The following OSBP2 variants were observed in gnomAD, a reference collection of about 807,000 sequenced individuals.
The protein encoded by OSBP2 is oxysterol binding protein 2.
In OSBP2, 66 loss-of-function variants were observed where a neutral mutation model predicts 96.0. That is an observed-to-expected ratio of 0.69 (90% CI 0.56 to 0.84). The LOEUF (loss-of-function observed/expected upper bound fraction) is 0.84. Ranked by LOEUF, OSBP2 falls within the 40% of genes least tolerant of loss-of-function variation. The probability of loss-of-function intolerance (pLI) is 0.00; values close to 1 mark genes in which losing one functional copy is unlikely to be tolerated. For synonymous variants in OSBP2, 525 were observed against 520.9 expected (o/e 1.01, Z -0.11); for missense variants, 1,038 against 1,222.7 (o/e 0.85, Z 2.25).
intron 3 of OSBP2, among the ~76,000 whole-genome samples, chr22:30,878,089 G>T (rs560787743): frequency 6.6e-6 from 1 of 152,212 alleles, no homozygotes; most frequent in Admixed American, 6.5e-5. Context: ...CCTGGAGTGC[G>T]CACTGGGAGC....
chr22:30,870,086 C>T lies in OSBP2; in HGVS notation c.854-343C>T, dbSNP rs923756485. Among the ~76,000 whole-genome samples, 1 of 152,220 alleles carries T rather than the reference C, an allele frequency of 6.6e-6. No homozygotes were observed. Among genetic ancestry groups the T allele is most frequent in the Non-Finnish European group, 1.5e-5 (1 of 68,022 alleles). On this transcript the variant is annotated intron_variant, in intron 2 of 13. Coordinates refer to ENST00000332585, the MANE Select transcript of OSBP2 (RefSeq NM_030758.4). The surrounding 1 kb of genome is among the most constrained non-coding windows in gnomAD (Gnocchi z 4.1). ...ACCTCTCCACCCAGCAGAGCCCATC[C>T]TTCCCTGCACACCACAATGTAGGGA... is the stretch of plus-strand genomic sequence containing the variant.
At chr22:30,896,360 A>T (rs16984922) in intron 12 of OSBP2, among the ~76,000 whole-genome samples, 3,030 of 152,240 alleles carry the variant, frequency 0.02, 108 homozygotes, top group African/African-American at 0.07. Context: ...TCAAAGAAAA[A>T]GAGAAAACAT....
chr22:30,840,054 CTTTTTTTTT>C (rs1313548284), intron 2 of OSBP2, among the ~76,000 whole-genome samples: 1 of 109,302 alleles, frequency 9.1e-6, no homozygotes, highest in Admixed American at 8.8e-5. Flanking sequence ...TTTCAGCTTT[CTTTTTTTTT>C]TTTTTTCAAC....
At chr22:30,820,400 T>C (rs530538019) in intron 2 of OSBP2, among the ~76,000 whole-genome samples, 1 of 144,602 alleles carries the variant, frequency 6.9e-6, no homozygotes, top group Admixed American at 6.9e-5. Context: ...AAAAAAAAAA[T>C]AAAATTTTAA....
chr22:30,825,959 CA>C (rs2038394874), intron 2 of OSBP2, among the ~76,000 whole-genome samples: 2 of 152,134 alleles, frequency 1.3e-5, no homozygotes, highest in East Asian at 3.8e-4. Context: ...CATGGGCCAT[CA>C]GGGGCGGACA....
rs1267882991 is a variant in OSBP2 at position 30,888,243 on chromosome 22, G to A, written c.1321G>A (p.Gly441Arg). Residue 441 changes from glycine to arginine, a missense_variant, in exon 5 of 14, where the codon GGA becomes AGA. By Grantham distance (125) the Gly-to-Arg change is moderately radical. This residue lies in a region of OSBP2 where 737 missense variants were observed against 913.3 expected (regional missense o/e 0.81). Transcript: ENST00000332585. Reference protein sequence around the residue: ...FIEGSLLTPKGEDSEEDEDTE... With the variant: ...FIEGSLLTPKREDSEEDEDTE... The stretch of plus-strand genomic sequence containing the variant: ...TCTAGGAAGCCTCTTGACTCCCAAA[G>A]GAGAGGACAGTGAGGAAGATGAAGA... 1 of 1,611,878 alleles carries A rather than the reference G, an allele frequency of 6.2e-7. No homozygotes were observed. Among genetic ancestry groups the A allele is most frequent in the Non-Finnish European group, 8.5e-7 (1 of 1,178,120 alleles).
intron 2 of OSBP2, among the ~76,000 whole-genome samples, chr22:30,859,353 T>C (rs1182413712): frequency 1.3e-5 from 2 of 152,238 alleles, no homozygotes; most frequent in Non-Finnish European, 2.9e-5. Context: ...GAGACAGGTG[T>C]TTGCATTGTG....
At chr22:30,713,653 G>T (rs541832366) in intron 1 of OSBP2, among the ~76,000 whole-genome samples, 1 of 151,944 alleles carries the variant, frequency 6.6e-6, no homozygotes, top group Non-Finnish European at 1.5e-5. Flanking sequence ...TTTAGATACA[G>T]GGTCTTGCTA....
rs1450082767 is a variant in OSBP2, at chr22:30,839,311, G to A, written c.854-31118G>A. 3.7e-3 allele frequency among the ~76,000 whole-genome samples: 519 copies of A among 138,886 alleles called. 5 individuals are homozygous for A. The highest frequency in any genetic ancestry group is 0.015 in the African/African-American group (498 of 34,122). 91.1% of individuals were successfully genotyped at this position (138,886 alleles called of 152,430 possible). On this transcript the variant is annotated intron_variant, in intron 2 of 13. Coordinates refer to ENST00000332585, the MANE Select transcript of OSBP2 (RefSeq NM_030758.4). ...GTGAATAGTACCACAATAAACATAT[G>A]TGTGCATGTGTCTTTATAGCAGCAT...
intron 2 of OSBP2, among the ~76,000 whole-genome samples, chr22:30,866,909 G>A (rs1164499061): frequency 6.6e-6 from 1 of 152,200 alleles, no homozygotes; most frequent in East Asian, 1.9e-4. Flanking sequence ...CTCATGTGGA[G>A]GCCAAGCCCC....
chr22:30,757,725 T>A (rs1349101241), intron 2 of OSBP2, among the ~76,000 whole-genome samples: 1 of 152,156 alleles, frequency 6.6e-6, no homozygotes, highest in East Asian at 1.9e-4. Flanking sequence ...GCCTTATTGC[T>A]GTTTTGTCAC....
chr22:30,832,339 G>A, intron 2 of OSBP2, among the ~76,000 whole-genome samples: 1 of 150,626 alleles, frequency 6.6e-6, no homozygotes, highest in East Asian at 1.9e-4. Flanking sequence ...TTTGTTGCCT[G>A]GAGTGCAGTG....
In OSBP2 at chr22:30,809,174, A is replaced by ATCC. The variant is rs1040788520; in HGVS notation, c.854-61254_854-61252dup. On this transcript the variant is annotated intron_variant, in intron 2 of 13. Transcript: ENST00000332585. ...CCTTGCTGACACCTTGATTTTAGACATCCGGCCTCCAGAACGGCAAGCAGA... is the reference window on the plus strand; with the variant it reads ...CCTTGCTGACACCTTGATTTTAGACATCCTCCGGCCTCCAGAACGGCAAGCAGA... Among the ~76,000 whole-genome samples the ATCC allele has an allele frequency of 8.2e-4, 125 of 152,272 alleles. 1 individual carries two copies. The highest frequency in any genetic ancestry group is 2.9e-3 in the African/African-American group (121 of 41,540).
chr22:30,751,716 C>T (rs964304023), intron 2 of OSBP2, among the ~76,000 whole-genome samples: 2 of 152,140 alleles, frequency 1.3e-5, no homozygotes, highest in African/African-American at 2.4e-5. Flanking sequence ...ATAAATCATC[C>T]GCCCACAGCC....
In OSBP2 at chr22:30,889,521, G is replaced by A. The variant is rs770037079; in HGVS notation, c.1508G>A (p.Gly503Asp). 2 of 1,614,108 alleles carry A rather than the reference G, an allele frequency of 1.2e-6. No individual in the cohort carries two copies. The highest frequency in any genetic ancestry group is 4.5e-5 in the East Asian group (2 of 44,872). Residue 503 changes from glycine to aspartate, a missense_variant, in exon 7 of 14, where the codon GGT (glycine) becomes GAT (aspartate). By Grantham distance (94) the Gly-to-Asp change is moderately conservative. Coordinates refer to ENST00000332585, the MANE Select transcript of OSBP2 (RefSeq NM_030758.4). ...GATGGTGCCTCGCTCGTGCCCAAGG[G>A]TTCATCCAAAGTCAAGAGGCGAGTC... ...VLDGASLVPK[G>D]SSKVKRRVRI...
intron 2 of OSBP2, among the ~76,000 whole-genome samples, chr22:30,748,282 G>T (rs970462985): frequency 6.6e-6 from 1 of 152,078 alleles, no homozygotes; most frequent in Non-Finnish European, 1.5e-5. Context: ...GCCTCCTGAG[G>T]CCGGTCTTGA....
At chr22:30,711,465 G>A (rs2089348336) in intron 1 of OSBP2, among the ~76,000 whole-genome samples, 1 of 151,906 alleles carries the variant, frequency 6.6e-6, no homozygotes, top group Non-Finnish European at 1.5e-5. Context: ...ACCAGGCCTG[G>A]CTCAGTGGCT....
chr22:30,887,077 C>G (rs1180204033), intron 3 of OSBP2, among the ~76,000 whole-genome samples: 4 of 152,030 alleles, frequency 2.6e-5, no homozygotes, highest in African/African-American at 9.7e-5. Context: ...CTTTTTAGAC[C>G]ATAGAGGATG....
At chr22:30,903,707 G>A (rs750358587) in intron 12 of OSBP2, among the ~76,000 whole-genome samples, 32 of 152,204 alleles carry the variant, frequency 2.1e-4, no homozygotes, top group Non-Finnish European at 7.3e-5. Context: ...GGATAGCGCC[G>A]GCACTGCGCT....
Sources: gnomAD v4.1 joint callset for allele counts (sites outside exome capture counted in the v4.1 genomes callset) on GRCh38, gnomAD v4.1.1 for gene constraint, gnomAD v4.1.1 regional missense constraint, Gnocchi (gnomAD v3.1) non-coding constraint, MANE v1.5 for transcripts, NCBI Gene and HGNC (gene_info 2026-07-23, HGNC 2026-07-21) for gene names.